The following GBP7 variants were observed in gnomAD, a reference collection of about 807,000 sequenced individuals.
GBP7 encodes guanylate binding protein 7.
A neutral mutation model predicts 61.3 loss-of-function variants in GBP7; 43 were observed. That is an observed-to-expected ratio of 0.70 (90% CI 0.55 to 0.91). GBP7 has a LOEUF of 0.91. Ranked by LOEUF, GBP7 falls within the 40% of genes least tolerant of loss-of-function variation. GBP7 has a pLI of 0.00. For missense variants in GBP7, 717 were observed against 740.5 expected, an observed-to-expected ratio of 0.97 and a Z score of 0.37; for synonymous variants, 267 against 271.0, an observed-to-expected ratio of 0.99 and a Z score of 0.14.
intron 2 of GBP7, among the ~76,000 whole-genome samples, chr1:89,167,890 T>C (rs1647486690): frequency 6.6e-6 from 1 of 152,218 alleles, no homozygotes. Context: ...CTTCAGAGAT[T>C]AATGAGAAAC....
At position 89,132,263 on chromosome 1, in the gene GBP7, G is replaced by T. The variant is rs1195160371; in HGVS notation, c.1803C>A (p.Gly601=). Residue 601 remains glycine, a synonymous_variant, in exon 11 of 11, where the codon GGC becomes GGA. Coordinates refer to ENST00000294671, the MANE Select transcript of GBP7 (RefSeq NM_207398.3). ...CAGGTAGTGCTGCAATAAATATACT[G>T]CCAGCCACATCAAGAATCTGTGAAA... ...SVFSQILDVA[G]SIFIAALPGA... The T allele has an allele frequency of 1.9e-6, 3 of 1,613,792 alleles. No homozygotes were observed. Among genetic ancestry groups the T allele is most frequent in the Non-Finnish European group, 2.5e-6 (3 of 1,179,940 alleles).
chr1:89,174,877 C>T (rs1647699335), intron 1 of GBP7, among the ~76,000 whole-genome samples: 1 of 152,196 alleles, frequency 6.6e-6, no homozygotes, highest in Admixed American at 6.5e-5. Flanking sequence ...AATGAAGTCA[C>T]AGCATGAAAC....
Position 89,168,706 on chromosome 1 carries a change from G to A in GBP7, c.190+3040C>T, listed in dbSNP as rs575708101. On this transcript the variant is annotated intron_variant, in intron 2 of 10. Coordinates refer to ENST00000294671, the MANE Select transcript of GBP7 (RefSeq NM_207398.3). The stretch of plus-strand genomic sequence containing the variant: ...TCCCAGCATTTTGGGAGGCCAAGGC[G>A]GGTGGATCACCTGAGGTCAGGAGTT... 3.9e-5 allele frequency among the ~76,000 whole-genome samples: 6 copies of A among 152,104 alleles called. No homozygotes were observed. In the East Asian group the frequency reaches 5.8e-4, roughly 15 times the overall value.
intron 3 of GBP7, among the ~76,000 whole-genome samples, chr1:89,160,697 A>G (rs1463918216): frequency 2.0e-5 from 3 of 152,192 alleles, no homozygotes; most frequent in African/African-American, 7.2e-5. Flanking sequence ...GACAAAAAAG[A>G]AATAATTTCG....
intron 3 of GBP7, among the ~76,000 whole-genome samples, chr1:89,161,143 G>A (rs1647255784): frequency 6.6e-6 from 1 of 152,156 alleles, no homozygotes; most frequent in Non-Finnish European, 1.5e-5. Context: ...GTATTCCATA[G>A]TGTATATGTA....
chr1:89,153,263 T>C (rs1682245095), intron 3 of GBP7, among the ~76,000 whole-genome samples: 1 of 152,228 alleles, frequency 6.6e-6, no homozygotes, highest in South Asian at 2.1e-4. Context: ...ATTCATTTGG[T>C]TGTTCATTCA....
intron 8 of GBP7, among the ~76,000 whole-genome samples, chr1:89,145,127 AT>A (rs1162074347): frequency 6.6e-6 from 1 of 151,758 alleles, no homozygotes; most frequent in East Asian, 1.9e-4. Flanking sequence ...TAATTTTTGT[AT>A]TTTTAGTAGA....
In GBP7 at chr1:89,150,339, T is replaced by C. The variant is rs201733547; in HGVS notation, c.862A>G (p.Thr288Ala). Residue 288 changes from threonine to alanine, a missense_variant, in exon 6 of 11, where the codon ACT becomes GCT. Physicochemically the swap from Thr to Ala is moderately conservative, Grantham distance 58 (BLOSUM62 0). Transcript: ENST00000294671. ...AGGGAAATAGACTCACGGTTTCCAGTGACAAGGATTCCCTCTCTCAGGGTC... is the reference window on the plus strand; with the variant it reads ...AGGGAAATAGACTCACGGTTTCCAGCGACAAGGATTCCCTCTCTCAGGGTC... ...TKTLREGILV[T>A]GNRLGMLVET... 1 of 1,612,892 alleles carries C rather than the reference T, an allele frequency of 6.2e-7. No individual in the cohort carries two copies.
At position 89,152,293 on chromosome 1, in the gene GBP7, C is replaced by A; in HGVS notation, c.600G>T (p.Leu200=). The A allele has an allele frequency of 1.2e-6, 2 of 1,614,090 alleles. No homozygotes were observed. The highest frequency in any genetic ancestry group is 1.7e-6 in the Non-Finnish European group (2 of 1,179,988). The part of the protein sequence containing the change: ...DGHPITEDEY[L]ENALKLISGK... ...CTGAAATCAGCTTCAAGGCATTCTC[C>A]AGGTACTCATCTTCTGTGATGGGGT... The change falls in exon 5 of 11, where the codon CTG becomes CTT. Residue 200 remains leucine, a synonymous_variant. Transcript: ENST00000294671.
intron 9 of GBP7, among the ~76,000 whole-genome samples, chr1:89,134,220 T>C (rs1056429277): frequency 3.9e-5 from 6 of 152,182 alleles, no homozygotes; most frequent in Admixed American, 1.3e-4. Context: ...GTGCACTCAA[T>C]GCACCCTCTC....
intron 2 of GBP7, among the ~76,000 whole-genome samples, chr1:89,166,618 A>G (rs1647450269): frequency 6.6e-6 from 1 of 152,254 alleles, no homozygotes; most frequent in Non-Finnish European, 1.5e-5. Context: ...AAAGTGTGAA[A>G]GTTGTCAGCA....
At chr1:89,160,045 G>A (rs1178963310) in intron 3 of GBP7, among the ~76,000 whole-genome samples, 1 of 152,114 alleles carries the variant, frequency 6.6e-6, no homozygotes, top group Admixed American at 6.5e-5. Flanking sequence ...AAAAGGATGA[G>A]TTCATGTCCT....
At chr1:89,138,373 A>T (rs1335538322) in intron 9 of GBP7, among the ~76,000 whole-genome samples, 4 of 152,178 alleles carry the variant, frequency 2.6e-5, no homozygotes, top group African/African-American at 9.7e-5. Context: ...TCCTAAGCAA[A>T]AAGAACAAAG....
chr1:89,137,401 C>T (rs573304846), intron 9 of GBP7, among the ~76,000 whole-genome samples: 1 of 152,186 alleles, frequency 6.6e-6, no homozygotes, highest in South Asian at 2.1e-4. Flanking sequence ...ATGAAAAAAT[C>T]TTCAACAAAA....
rs539544565 is a variant in GBP7 at position 89,158,910 on chromosome 1, C to T, written c.318+5821G>A. Reference sequence around the variant, plus strand: ...AAAGAGCCCGCATTGCCAAGAGAATCCTAAGCCAAAAGAACAAAGCTGGAG... The same window carrying T: ...AAAGAGCCCGCATTGCCAAGAGAATTCTAAGCCAAAAGAACAAAGCTGGAG... On this transcript the variant is annotated intron_variant, in intron 3 of 10. Coordinates refer to ENST00000294671, the MANE Select transcript of GBP7 (RefSeq NM_207398.3). Among the ~76,000 whole-genome samples the T allele has an allele frequency of 9.2e-5, 14 of 152,222 alleles. No individual in the cohort carries two copies. The South Asian group carries it at 2.5e-3, about 27-fold the overall frequency.
chr1:89,165,473 G>A (rs983710666), intron 2 of GBP7, among the ~76,000 whole-genome samples: 8 of 148,660 alleles, frequency 5.4e-5, no homozygotes, highest in African/African-American at 2.0e-4. Context: ...CTGCACTCCA[G>A]CCTGGTGACA....
chr1:89,164,117 G>T (rs138646836), intron 3 of GBP7, among the ~76,000 whole-genome samples: 2 of 152,110 alleles, frequency 1.3e-5, no homozygotes, highest in African/African-American at 4.8e-5. Flanking sequence ...TGGTCCACCC[G>T]CCTCGGCCTT....
At chr1:89,153,977 A>G (rs1557460209) in intron 3 of GBP7, among the ~76,000 whole-genome samples, 1 of 152,234 alleles carries the variant, frequency 6.6e-6, no homozygotes, top group Non-Finnish European at 1.5e-5. Flanking sequence ...ATGACATTAC[A>G]GAGTTATTTA....
chr1:89,142,081 A>ATTATTTATTTATTTATTTAT (rs748450323), intron 8 of GBP7, among the ~76,000 whole-genome samples: 1 of 152,306 alleles, frequency 6.6e-6, no homozygotes. Flanking sequence ...TTCTAGGCTA[A>ATTATTTATTTATTTATTTAT]TTATTTATTT....
Sources: gnomAD v4.1 joint callset for allele counts (sites outside exome capture counted in the v4.1 genomes callset) on GRCh38, gnomAD v4.1.1 for gene constraint, MANE v1.5 for transcripts, NCBI Gene and HGNC (gene_info 2026-07-23, HGNC 2026-07-21) for gene names.